The following NRXN2 variants were observed in gnomAD, a reference collection of about 807,000 sequenced individuals.
NRXN2 encodes the protein neurexin 2.
NRXN2 carries 29 observed loss-of-function variants against 128.8 expected under a neutral mutation model. That is an observed-to-expected ratio of 0.23 (90% CI 0.17 to 0.31). NRXN2 has a LOEUF of 0.31. Among genes scored for constraint, NRXN2 ranks in the 10% least tolerant of loss-of-function variants. The probability of loss-of-function intolerance (pLI) is 1.00; values close to 1 mark genes in which losing one functional copy is unlikely to be tolerated. For synonymous variants in NRXN2, 1,098 were observed against 1,075.2 expected (o/e 1.02, Z -0.41); for missense variants, 1,881 against 2,452.6 (o/e 0.77, Z 4.92).
intron 2 of NRXN2, among the ~76,000 whole-genome samples, chr11:64,703,614 C>T (rs1289851581): frequency 6.6e-6 from 1 of 152,178 alleles, no homozygotes; most frequent in Non-Finnish European, 1.5e-5. Flanking sequence ...TCATCATGTC[C>T]TGACCCACTC....
chr11:64,644,173 A>G (rs1044259208), intron 17 of NRXN2, among the ~76,000 whole-genome samples: 1 of 152,028 alleles, frequency 6.6e-6, no homozygotes, highest in Non-Finnish European at 1.5e-5. Context: ...CAGGACATGA[A>G]TGGCCAACAT....
chr11:64,652,577 C>T (rs35039749), intron 12 of NRXN2, among the ~76,000 whole-genome samples: 2 of 152,096 alleles, frequency 1.3e-5, no homozygotes, highest in South Asian at 4.1e-4. Flanking sequence ...AGCTATATTC[C>T]CAGGGTGTAA....
chr11:64,643,080 G>GGC (rs2045995466), intron 17 of NRXN2: 1 of 989,704 alleles, frequency 1.0e-6, no homozygotes, highest in Non-Finnish European at 1.2e-6. Context: ...GGGTCGGAGC[G>GGC]GCGCAGAGGG....
rs1431989559 is a variant in NRXN2, at chr11:64,660,006, A to C, written c.2389+326T>G. Reference sequence around the variant, plus strand: ...TGAGCAAGTGGATGAGCCATTGACCAAAAATGAGCTGTGTCATCTGTGTGT... The same window carrying C: ...TGAGCAAGTGGATGAGCCATTGACCCAAAATGAGCTGTGTCATCTGTGTGT... On this transcript the variant is annotated intron_variant, in intron 11 of 22. Transcript: ENST00000265459. This position sits in a 1 kb window ranked among gnomAD's most constrained non-coding sequence, Gnocchi z 5.2. 6.6e-6 allele frequency among the ~76,000 whole-genome samples: 1 copy of C among 152,248 alleles called. No individual in the cohort carries two copies. The highest frequency in any genetic ancestry group is 2.4e-5 in the African/African-American group (1 of 41,466).
intron 2 of NRXN2, among the ~76,000 whole-genome samples, chr11:64,702,500 C>T (rs897926360): frequency 8.6e-5 from 13 of 151,916 alleles, no homozygotes; most frequent in South Asian, 2.1e-4. Flanking sequence ...GGTGACCTTA[C>T]CCCCAACCCT....
chr11:64,681,846 G>A (rs2052336977), intron 6 of NRXN2, among the ~76,000 whole-genome samples: 2 of 152,154 alleles, frequency 1.3e-5, no homozygotes, highest in South Asian at 2.1e-4. Context: ...AGCAGACCCT[G>A]AGACAGGGTG....
intron 5 of NRXN2, among the ~76,000 whole-genome samples, chr11:64,687,472 C>T (rs1271856177): frequency 6.6e-6 from 1 of 152,250 alleles, no homozygotes; most frequent in Non-Finnish European, 1.5e-5. Context: ...GCACTCACTG[C>T]AGCTGGCAAG....
chr11:64,680,175 G>A lies in NRXN2; in HGVS notation c.1153-3138C>T, dbSNP rs991635084. ...TTCACCAGGCAGAAAGGAGAGCCTCGGGACAAAACTATACCCCATCTCCAC... is the reference window on the plus strand; with the variant it reads ...TTCACCAGGCAGAAAGGAGAGCCTCAGGACAAAACTATACCCCATCTCCAC... On this transcript the variant is annotated intron_variant, in intron 6 of 22. Coordinates refer to ENST00000265459, the MANE Select transcript of NRXN2 (RefSeq NM_015080.4). 7.9e-5 allele frequency among the ~76,000 whole-genome samples: 12 copies of A among 152,066 alleles called. 1 individual carries two copies. The highest frequency in any genetic ancestry group is 2.7e-4 in the African/African-American group (11 of 41,392).
At position 64,696,034 on chromosome 11, in the gene NRXN2, C is replaced by A. The variant is rs142531089; in HGVS notation, c.748+1741G>T. ...ACCCCCTACAGCTTGAGGCTTGAGTCTTTCTCTTCCCACCCTTCACTTACC... is the reference window on the plus strand; with the variant it reads ...ACCCCCTACAGCTTGAGGCTTGAGTATTTCTCTTCCCACCCTTCACTTACC... On this transcript the variant is annotated intron_variant, in intron 3 of 22. Transcript: ENST00000265459. Among the ~76,000 whole-genome samples, 493 of 150,100 alleles carry A rather than the reference C, an allele frequency of 3.3e-3. 3 individuals carry two copies. The highest frequency in any genetic ancestry group is 0.011 in the African/African-American group (451 of 40,202).
Position 64,607,150 on chromosome 11 carries a change from G to A in NRXN2, c.*46C>T. Reference sequence around the variant, plus strand: ...GGAGAGGGTGGCACCCTCCTCCCGGGCCCTCCCAGGAGGGGCAGCTGGCAG... The same window carrying A: ...GGAGAGGGTGGCACCCTCCTCCCGGACCCTCCCAGGAGGGGCAGCTGGCAG... On this transcript the variant is annotated 3_prime_UTR_variant, in exon 23 of 23. Transcript: ENST00000265459. 1 of 1,592,002 alleles carries A rather than the reference G, an allele frequency of 6.3e-7. No homozygotes were observed. The highest frequency in any genetic ancestry group is 1.3e-5 in the African/African-American group (1 of 74,536).
At position 64,626,452 on chromosome 11, in the gene NRXN2, T is replaced by C. The variant is rs779395414; in HGVS notation, c.3847+11A>G. The C allele has an allele frequency of 5.7e-6, 9 of 1,584,968 alleles. No individual in the cohort carries two copies. The highest frequency in any genetic ancestry group is 6.9e-6 in the Non-Finnish European group (8 of 1,153,552). ...AGTTAATTAATTAATTAATTAATTC[T>C]GGTTAATTACCTTTGTCGAGCAGCC... On this transcript the variant is annotated intron_variant, in intron 20 of 22. Coordinates refer to ENST00000265459, the MANE Select transcript of NRXN2 (RefSeq NM_015080.4).
chr11:64,670,481 G>C (rs1190698735), intron 7 of NRXN2, among the ~76,000 whole-genome samples: 1 of 152,090 alleles, frequency 6.6e-6, no homozygotes, highest in East Asian at 1.9e-4. Context: ...GTGGGTAATA[G>C]GCTGAATGGG....
chr11:64,672,378 G>A (rs192291707), intron 7 of NRXN2, among the ~76,000 whole-genome samples: 75 of 152,342 alleles, frequency 4.9e-4, no homozygotes, highest in Middle Eastern at 3.4e-3. Context: ...TGAGGAAGAG[G>A]GGAAGTATCC....
chr11:64,618,182 T>C (rs577784491), intron 22 of NRXN2, among the ~76,000 whole-genome samples: 1 of 152,148 alleles, frequency 6.6e-6, no homozygotes, highest in African/African-American at 2.4e-5. Context: ...AGACCACCAA[T>C]GCACCCATTC....
intron 3 of NRXN2, among the ~76,000 whole-genome samples, chr11:64,694,126 C>T (rs1234164269): frequency 6.6e-6 from 1 of 152,164 alleles, no homozygotes; most frequent in Admixed American, 6.5e-5. Context: ...GCACCAGGCC[C>T]CACAGCTGGG....
intron 11 of NRXN2, among the ~76,000 whole-genome samples, chr11:64,655,187 G>A (rs1278805713): frequency 1.3e-5 from 2 of 152,180 alleles, no homozygotes; most frequent in South Asian, 2.1e-4. Context: ...ACGGCCCTTC[G>A]GCAGTACAGC....
In NRXN2 at chr11:64,622,635, C is replaced by G; in HGVS notation, c.4173+118G>C. The G allele has an allele frequency of 7.1e-7, 1 of 1,415,946 alleles. No individual in the cohort carries two copies. The highest frequency in any genetic ancestry group is 1.4e-5 in the South Asian group (1 of 74,010). The allele number at this position is 1,415,946 out of a possible 1,614,324, so 87.7% of individuals were successfully genotyped here. On this transcript the variant is annotated intron_variant, in intron 21 of 22. Transcript: ENST00000265459. The surrounding 1 kb of genome is among the most constrained non-coding windows in gnomAD (Gnocchi z 4.3). The stretch of plus-strand genomic sequence containing the variant: ...CAACAAAGTCAGCGACAGCAGCCTT[C>G]AGGATCCCAACAGACCCCTTGGACC...
intron 19 of NRXN2, among the ~76,000 whole-genome samples, chr11:64,627,188 C>A (rs1363218037): frequency 1.3e-5 from 2 of 152,056 alleles, no homozygotes; most frequent in African/African-American, 2.4e-5. Flanking sequence ...CATACCACAC[C>A]CATGACCCCC....
chr11:64,633,089 G>A (rs1178329694), intron 18 of NRXN2, among the ~76,000 whole-genome samples: 1 of 152,128 alleles, frequency 6.6e-6, no homozygotes, highest in Non-Finnish European at 1.5e-5. Context: ...CCACCCTCAG[G>A]CAGACCCCCG....
Sources: allele counts gnomAD v4.1 joint callset (sites outside exome capture counted in the v4.1 genomes callset), GRCh38; gene constraint gnomAD v4.1.1; non-coding constraint Gnocchi (gnomAD v3.1); transcripts MANE v1.5; gene names NCBI Gene and HGNC (gene_info 2026-07-23, HGNC 2026-07-21).